The following LNPEP variants were observed in gnomAD, a reference collection of about 807,000 sequenced individuals.
LNPEP encodes the protein leucyl-cystinyl aminopeptidase.
In LNPEP, 64 loss-of-function variants were observed where a neutral mutation model predicts 120.6. The observed-to-expected ratio is 0.53, with a 90% CI of 0.43 to 0.65. LNPEP has a LOEUF of 0.65. LNPEP is among the 30% of genes least tolerant of loss of function. The pLI, the probability that LNPEP is intolerant of heterozygous loss-of-function variation, is 0.00. For synonymous variants in LNPEP, 435 were observed against 425.4 expected, an observed-to-expected ratio of 1.02 and a Z score of -0.28; for missense variants, 1,057 against 1,200.0, an observed-to-expected ratio of 0.88 and a Z score of 1.76.
intron 1 of LNPEP, among the ~76,000 whole-genome samples, chr5:96,951,071 C>T (rs143608618): frequency 1.8e-4 from 27 of 152,322 alleles, no homozygotes; most frequent in South Asian, 6.2e-4. Context: ...TACCTTCTTG[C>T]TGTGTCCTCA....
chr5:96,997,544 C>G (rs772551302), intron 7 of LNPEP, among the ~76,000 whole-genome samples: 1 of 152,064 alleles, frequency 6.6e-6, no homozygotes, highest in African/African-American at 2.4e-5. Flanking sequence ...TTAAGAGTTA[C>G]ATTTTATTTA....
At chr5:96,968,006 T>C (rs1298019607) in intron 1 of LNPEP, among the ~76,000 whole-genome samples, 1 of 152,140 alleles carries the variant, frequency 6.6e-6, no homozygotes, top group African/African-American at 2.4e-5. Context: ...CCTCAACTTC[T>C]AATTCTTGAA....
At chr5:97,019,391 T>C (rs1156950395) in intron 13 of LNPEP, among the ~76,000 whole-genome samples, 2 of 152,168 alleles carry the variant, frequency 1.3e-5, no homozygotes, top group Non-Finnish European at 2.9e-5. Flanking sequence ...TATTAATTAA[T>C]ATTAAAAATA....
At chr5:96,996,870 T>C (rs1790528197) in intron 7 of LNPEP, among the ~76,000 whole-genome samples, 1 of 152,122 alleles carries the variant, frequency 6.6e-6, no homozygotes, top group South Asian at 2.1e-4. Context: ...ATTTAAACTT[T>C]TTTATCCTGT....
chr5:97,004,467 G>GT (rs1561448995), intron 9 of LNPEP, among the ~76,000 whole-genome samples: 1 of 150,314 alleles, frequency 6.7e-6, no homozygotes, highest in Non-Finnish European at 1.5e-5. Flanking sequence ...AGCCGAGACT[G>GT]TACCACTGCA....
intron 2 of LNPEP, 48 bp from the exon 3 acceptor site, chr5:96,985,032 T>C: frequency 6.2e-7 from 1 of 1,606,716 alleles, no homozygotes; most frequent in Non-Finnish European, 8.5e-7. Flanking sequence ...GGGTGCCTTG[T>C]ACAGTAGGTG....
At chr5:97,008,941 T>C (rs886937663) in intron 11 of LNPEP, among the ~76,000 whole-genome samples, 9 of 152,036 alleles carry the variant, frequency 5.9e-5, no homozygotes, top group African/African-American at 1.9e-4. Context: ...CGTGAGCCAC[T>C]GTGCCCACCC....
At chr5:96,938,284 T>G (rs1281158057) in intron 1 of LNPEP, among the ~76,000 whole-genome samples, 1 of 152,214 alleles carries the variant, frequency 6.6e-6, no homozygotes, top group Non-Finnish European at 1.5e-5. Flanking sequence ...TCATTATCCA[T>G]AGAATTTATG....
rs529632476 is a variant in LNPEP, at chr5:96,974,163, A to G, written c.20-4975A>G. Among the ~76,000 whole-genome samples the G allele has an allele frequency of 7.6e-4, 116 of 152,176 alleles. 1 individual carries two copies. The highest frequency in any genetic ancestry group is 9.9e-4 in the Non-Finnish European group (67 of 67,992). On this transcript the variant is annotated intron_variant, in intron 1 of 17. Coordinates refer to ENST00000231368, the MANE Select transcript of LNPEP (RefSeq NM_005575.3). The stretch of plus-strand genomic sequence containing the variant: ...TTCCACTGGGGTTTCTGACCTTCTC[A>G]GTCATGCTTGTCTTGGGGTCACCAC...
chr5:97,021,918 C>CTTTTTTTTTTTT (rs1561455270), intron 13 of LNPEP, among the ~76,000 whole-genome samples: 1 of 50,010 alleles, frequency 2.0e-5, no homozygotes. Flanking sequence ...TGTTTTTTGT[C>CTTTTTTTTTTTT]TTTTGTTTTT....
At chr5:97,026,581 A>C in intron 15 of LNPEP, 36 bp from the exon 16 acceptor site, 1 of 1,566,786 alleles carries the variant, frequency 6.4e-7, no homozygotes, top group Non-Finnish European at 8.7e-7. Context: ...CTTCATGAAT[A>C]ATAATTTTGG....
At chr5:96,966,429 G>A (rs1789723111) in intron 1 of LNPEP, among the ~76,000 whole-genome samples, 1 of 152,012 alleles carries the variant, frequency 6.6e-6, no homozygotes. Context: ...GAGCCTGGGA[G>A]TTTGAAGTTG....
intron 1 of LNPEP, among the ~76,000 whole-genome samples, chr5:96,939,185 T>A (rs1788992487): frequency 6.6e-6 from 1 of 151,670 alleles, no homozygotes; most frequent in African/African-American, 2.4e-5. Context: ...TGATTATATA[T>A]GAAATACATA....
Position 96,936,113 on chromosome 5 carries a change from A to C in LNPEP, c.-43A>C, listed in dbSNP as rs190265882. The C allele has an allele frequency of 4.8e-4, 734 of 1,515,048 alleles. 13 individuals carry two copies. The East Asian group carries it at 0.019, about 39-fold the overall frequency. 93.9% of individuals were successfully genotyped at this position (1,515,048 alleles called of 1,614,324 possible). A position where few individuals can be genotyped will look rare whatever the true frequency, so the allele number is the denominator to read the frequency against. ...GGGCCGCCTCAGCTCTCGGAGTAGGAAGCTCGGGCGCTCCGGCTGTAAGGA... is the reference window on the plus strand; with the variant it reads ...GGGCCGCCTCAGCTCTCGGAGTAGGCAGCTCGGGCGCTCCGGCTGTAAGGA... On this transcript the variant is annotated 5_prime_UTR_variant, in exon 1 of 18. Coordinates refer to ENST00000231368, the MANE Select transcript of LNPEP (RefSeq NM_005575.3).
chr5:97,016,284 G>A (rs1015397854), intron 13 of LNPEP, among the ~76,000 whole-genome samples: 44 of 152,166 alleles, frequency 2.9e-4, no homozygotes, highest in African/African-American at 9.9e-4. Flanking sequence ...GACCTGGCCT[G>A]TAGTGACACT....
chr5:96,959,581 T>C (rs1789549647), intron 1 of LNPEP, among the ~76,000 whole-genome samples: 1 of 152,222 alleles, frequency 6.6e-6, no homozygotes, highest in Non-Finnish European at 1.5e-5. Flanking sequence ...TTTTTTACTT[T>C]TTATGAAGCT....
intron 6 of LNPEP, among the ~76,000 whole-genome samples, chr5:96,995,438 TA>T (rs1407252279): frequency 2.0e-5 from 3 of 152,174 alleles, no homozygotes; most frequent in East Asian, 1.9e-4. Flanking sequence ...AATCTCCTAT[TA>T]TTTTTTTCCT....
At position 96,998,031 on chromosome 5, in the gene LNPEP, T is replaced by G; in HGVS notation, c.1539T>G (p.Asp513Glu). Residue 513 changes from aspartate to glutamate, a missense_variant, in exon 8 of 18, where the codon GAT becomes GAG. Asp to Glu is a conservative substitution (Grantham distance 45). Transcript: ENST00000231368. ...TTTGACAGTATGAAGATTTCTTAGA[T>G]GCTCGATTTAAAACCATGAAGAAAG... ...KELSSYEDFL[D>E]ARFKTMKKDS... 6.4e-7 allele frequency: 1 copy of G among 1,573,952 alleles called. No homozygotes were observed. The highest frequency in any genetic ancestry group is 1.1e-5 in the South Asian group (1 of 87,286).
At chr5:97,016,302 C>T (rs1401538982) in intron 13 of LNPEP, among the ~76,000 whole-genome samples, 4 of 152,200 alleles carry the variant, frequency 2.6e-5, no homozygotes, top group Admixed American at 2.0e-4. Context: ...ACTCAGTAAA[C>T]GTTGAGTGAA....
Sources: gnomAD v4.1 joint callset for allele counts (sites outside exome capture counted in the v4.1 genomes callset) on GRCh38, gnomAD v4.1.1 for gene constraint, MANE v1.5 for transcripts, NCBI Gene and HGNC (gene_info 2026-07-23, HGNC 2026-07-21) for gene names.